The following PPP1R16B variants were observed in gnomAD, a reference collection of about 807,000 sequenced individuals.
PPP1R16B encodes the protein protein phosphatase 1 regulatory inhibitor subunit 16B.
In PPP1R16B, 14 loss-of-function variants were observed where a neutral mutation model predicts 61.7. That is an observed-to-expected ratio of 0.23 (90% CI 0.15 to 0.35). The LOEUF (loss-of-function observed/expected upper bound fraction) is 0.35, where lower values mean the gene tolerates loss of function less well. PPP1R16B is among the 10% of genes least tolerant of loss of function. The pLI is 1.00. For missense variants in PPP1R16B, 547 were observed against 752.5 expected, an observed-to-expected ratio of 0.73 and a Z score of 3.19; for synonymous variants, 266 against 305.3, an observed-to-expected ratio of 0.87 and a Z score of 1.34.
intron 2 of PPP1R16B, among the ~76,000 whole-genome samples, chr20:38,859,959 A>C (rs756155595): frequency 2.6e-5 from 4 of 152,078 alleles, no homozygotes; most frequent in Non-Finnish European, 5.9e-5. Context: ...TGTTTTTTTC[A>C]TATCTTTTAC....
At chr20:38,843,470 C>T (rs1423688696) in intron 2 of PPP1R16B, among the ~76,000 whole-genome samples, 1 of 152,240 alleles carries the variant, frequency 6.6e-6, no homozygotes, top group African/African-American at 2.4e-5. Context: ...CAGTTCCCTG[C>T]CATGTGGCCC....
intron 2 of PPP1R16B, among the ~76,000 whole-genome samples, chr20:38,846,994 C>T (rs1443567816): frequency 1.3e-5 from 2 of 151,892 alleles, no homozygotes; most frequent in African/African-American, 4.8e-5. Context: ...AGAGTGAGAC[C>T]CTGTCTCCAA....
intron 2 of PPP1R16B, among the ~76,000 whole-genome samples, chr20:38,840,586 A>T (rs528186822): frequency 6.6e-6 from 1 of 152,016 alleles, no homozygotes; most frequent in South Asian, 2.1e-4. Flanking sequence ...CCTGTGACTA[A>T]CTCCTGTAAC....
chr20:38,905,792 T>A (rs1312131966), intron 6 of PPP1R16B, among the ~76,000 whole-genome samples, 177 bp from the exon 7 acceptor site: 3 of 152,202 alleles, frequency 2.0e-5, no homozygotes, highest in African/African-American at 7.2e-5. Context: ...ACCTTTCCTT[T>A]TAAGTCCATA....
chr20:38,907,439 T>C lies in PPP1R16B; in HGVS notation c.899-367T>C, dbSNP rs1601310973. 6.6e-6 allele frequency among the ~76,000 whole-genome samples: 1 copy of C among 152,044 alleles called. No individual in the cohort carries two copies. The highest frequency in any genetic ancestry group is 1.9e-4 in the East Asian group (1 of 5,188). ...TAGGTAGATAGATGGATGAAGGGGT[T>C]AGGTAGAATAGATGGGAGTATGTAG... On this transcript the variant is annotated intron_variant, in intron 8 of 10. Transcript: ENST00000299824. This position sits in a 1 kb window ranked among gnomAD's most constrained non-coding sequence, Gnocchi z 4.5.
chr20:38,870,009 C>T (rs1419901018), intron 2 of PPP1R16B, among the ~76,000 whole-genome samples: 2 of 152,050 alleles, frequency 1.3e-5, no homozygotes, highest in African/African-American at 4.8e-5. Flanking sequence ...CTGCAACCTC[C>T]ACCTCCTGGG....
At chr20:38,909,712 G>A (rs912208001) in intron 10 of PPP1R16B, among the ~76,000 whole-genome samples, 4 of 152,208 alleles carry the variant, frequency 2.6e-5, no homozygotes, top group Admixed American at 6.5e-5. Flanking sequence ...TTCCCAGCAC[G>A]AACAGTGGGG....
intron 1 of PPP1R16B, among the ~76,000 whole-genome samples, chr20:38,828,353 T>G (rs1460657059): frequency 6.6e-6 from 1 of 152,152 alleles, no homozygotes; most frequent in Non-Finnish European, 1.5e-5. Context: ...GTAATATGCC[T>G]CAGCAAGAGG....
At chr20:38,831,298 C>T (rs970318886) in intron 1 of PPP1R16B, among the ~76,000 whole-genome samples, 10 of 152,240 alleles carry the variant, frequency 6.6e-5, no homozygotes, top group Non-Finnish European at 1.2e-4. Context: ...CCATCACCCT[C>T]TGGGTCTCAC....
At chr20:38,842,655 G>A (rs77995276) in intron 2 of PPP1R16B, among the ~76,000 whole-genome samples, 3 of 152,042 alleles carry the variant, frequency 2.0e-5, no homozygotes, top group Non-Finnish European at 4.4e-5. Flanking sequence ...GGGTCAGGTG[G>A]GTGGGGTGCT....
rs2085458631 is a variant in PPP1R16B, at chr20:38,907,987, G to A, written c.1029-41G>A. ...GTCCCTGTGTGTGCTCCTGCCTGTG[G>A]TGCCTGGGTGCAGCCTCTAGGACCC... On this transcript the variant is annotated intron_variant, in intron 9 of 10. Coordinates refer to ENST00000299824, the MANE Select transcript of PPP1R16B (RefSeq NM_015568.4). The surrounding 1 kb of genome is among the most constrained non-coding windows in gnomAD (Gnocchi z 4.5). 23 of 1,613,884 alleles carry A rather than the reference G, an allele frequency of 1.4e-5. No homozygotes were observed. Among genetic ancestry groups the A allele is most frequent in the Non-Finnish European group, 1.9e-5 (22 of 1,179,918 alleles).
chr20:38,866,713 C>T (rs2085093266), intron 2 of PPP1R16B, among the ~76,000 whole-genome samples: 2 of 152,194 alleles, frequency 1.3e-5, no homozygotes, highest in Non-Finnish European at 2.9e-5. Context: ...CACTGTGGAG[C>T]AGAGGCACCC....
chr20:38,918,294 C>T lies in PPP1R16B; in HGVS notation c.1332C>T (p.Val444=), dbSNP rs770096015. The change falls in exon 11 of 11, where the codon GTC becomes GTT. Residue 444 remains valine (V), a synonymous_variant. Transcript: ENST00000299824. This position sits in a 1 kb window ranked among gnomAD's most constrained non-coding sequence, Gnocchi z 5.3. ...AYQYALANGD[V]WKVHEVPDYS... is the part of the protein sequence containing the mutation. ...AGTATGCGCTGGCCAACGGGGATGTCTGGAAGGTGCATGAGGTGCCTGACT... is the reference window on the plus strand; with the variant it reads ...AGTATGCGCTGGCCAACGGGGATGTTTGGAAGGTGCATGAGGTGCCTGACT... 3 of 1,614,230 alleles carry T rather than the reference C, an allele frequency of 1.9e-6. No individual in the cohort carries two copies. Among genetic ancestry groups the T allele is most frequent in the Admixed American group, 1.7e-5 (1 of 60,030 alleles).
chr20:38,852,708 A>T (rs1008515520), intron 2 of PPP1R16B, among the ~76,000 whole-genome samples: 1 of 130,342 alleles, frequency 7.7e-6, no homozygotes, highest in Non-Finnish European at 1.6e-5. Flanking sequence ...CATTGCTAGC[A>T]TGATTGATTC....
chr20:38,909,546 A>G (rs1422369026), intron 10 of PPP1R16B, among the ~76,000 whole-genome samples: 1 of 152,198 alleles, frequency 6.6e-6, no homozygotes, highest in East Asian at 1.9e-4. Flanking sequence ...GGAATTGCTG[A>G]GGATGAGGGA....
At chr20:38,849,250 T>C (rs1303454715) in intron 2 of PPP1R16B, among the ~76,000 whole-genome samples, 1 of 152,190 alleles carries the variant, frequency 6.6e-6, no homozygotes, top group African/African-American at 2.4e-5. Flanking sequence ...CAGTGAGTTA[T>C]CTTGGGGGTT....
Position 38,889,660 on chromosome 20 carries a change from C to A in PPP1R16B, c.316C>A (p.His106Asn). 6.3e-7 allele frequency: 1 copy of A among 1,590,838 alleles called. No homozygotes were observed. Among genetic ancestry groups the A allele is most frequent in the Non-Finnish European group, 8.6e-7 (1 of 1,158,728 alleles). The change falls in exon 3 of 11, where the codon CAC (histidine) becomes AAC (asparagine). Residue 106 changes from histidine to asparagine, a missense_variant. Transcript: ENST00000299824. ...CAATGAGGACGGACTCACAGCCCTACACCAGGTAAGGCCGGGCTCGTTGGG... is the reference window on the plus strand; with the variant it reads ...CAATGAGGACGGACTCACAGCCCTAAACCAGGTAAGGCCGGGCTCGTTGGG... ...LCNEDGLTAL[H>N]QCCIDNFEEI...
At chr20:38,896,945 G>A (rs539011243) in intron 4 of PPP1R16B, among the ~76,000 whole-genome samples, 3 of 152,260 alleles carry the variant, frequency 2.0e-5, no homozygotes, top group South Asian at 2.1e-4. Flanking sequence ...TCGGGAGTTC[G>A]AGACCAGCCT....
At chr20:38,884,722 G>T (rs977944214) in intron 2 of PPP1R16B, among the ~76,000 whole-genome samples, 1 of 152,124 alleles carries the variant, frequency 6.6e-6, no homozygotes, top group African/African-American at 2.4e-5. Flanking sequence ...AGGATTGCTT[G>T]AGTGCAAGAG....
Sources: gnomAD v4.1 joint callset for allele counts (sites outside exome capture counted in the v4.1 genomes callset) on GRCh38, gnomAD v4.1.1 for gene constraint, Gnocchi (gnomAD v3.1) non-coding constraint, MANE v1.5 for transcripts, NCBI Gene and HGNC (gene_info 2026-07-23, HGNC 2026-07-21) for gene names.